MYO9A: variants seen among roughly 807,000 people sequenced by gnomAD.
The protein encoded by MYO9A is unconventional myosin-IXa.
In MYO9A, 103 loss-of-function variants were observed where a neutral mutation model predicts 293.3. The ratio of observed to expected loss-of-function variants is 0.35; its 90% CI spans 0.30 to 0.41. MYO9A has a LOEUF of 0.41. Among genes scored for constraint, MYO9A ranks in the 10% least tolerant of loss-of-function variants. The pLI, the probability that MYO9A is intolerant of heterozygous loss-of-function variation, is 1.00. For synonymous variants in MYO9A, 1,001 were observed against 1,035.7 expected (o/e 0.97, Z 0.64); for missense variants, 2,685 against 3,033.0 (o/e 0.89, Z 2.69).
intron 15 of MYO9A, among the ~76,000 whole-genome samples, chr15:71,949,426 T>G (rs565464642): frequency 3.3e-5 from 5 of 151,808 alleles, no homozygotes; most frequent in African/African-American, 9.6e-5. Flanking sequence ...TTTTTGTTTT[T>G]TTTTTTTTTA....
intron 1 of MYO9A, among the ~76,000 whole-genome samples, chr15:72,062,719 G>A (rs962575966): frequency 6.6e-6 from 1 of 152,110 alleles, no homozygotes; most frequent in Non-Finnish European, 1.5e-5. Flanking sequence ...CCTCAAAAGG[G>A]CAAATCTAAG....
chr15:72,003,418 C>T (rs193272870), intron 8 of MYO9A, among the ~76,000 whole-genome samples: 206 of 151,536 alleles, frequency 1.4e-3, no homozygotes, highest in African/African-American at 4.9e-3. Context: ...AAAAGCAGGC[C>T]GGGCGCGGTG....
chr15:72,077,660 G>A (rs1248747066), intron 1 of MYO9A, among the ~76,000 whole-genome samples: 1 of 149,804 alleles, frequency 6.7e-6, no homozygotes, highest in South Asian at 2.1e-4. Context: ...GGCGGCGCGG[G>A]CAGAGGTTGC....
chr15:72,082,363 C>T (rs2079573725), intron 1 of MYO9A, among the ~76,000 whole-genome samples: 1 of 152,060 alleles, frequency 6.6e-6, no homozygotes, highest in South Asian at 2.1e-4. Flanking sequence ...CTAGTGATTT[C>T]TGTATGTTGG....
At chr15:71,858,819 C>T (rs1330956379) in intron 34 of MYO9A, 2 of 150,168 alleles carry the variant, frequency 1.3e-5, no homozygotes, top group East Asian at 3.9e-4. Context: ...CAAACCTGCA[C>T]GTTGTGCACA....
intron 1 of MYO9A, among the ~76,000 whole-genome samples, chr15:72,073,031 T>C (rs946395514): frequency 7.2e-5 from 11 of 152,214 alleles, no homozygotes; most frequent in African/African-American, 2.7e-4. Context: ...TCCCTATAAG[T>C]AGACATATTT....
At chr15:71,924,466 T>C (rs1360369178) in intron 18 of MYO9A, among the ~76,000 whole-genome samples, 2 of 151,988 alleles carry the variant, frequency 1.3e-5, no homozygotes, top group Non-Finnish European at 2.9e-5. Context: ...AGGGTCTCAA[T>C]CTCCTGATCT....
At chr15:72,025,613 G>C (rs144924581) in intron 4 of MYO9A, among the ~76,000 whole-genome samples, 41 of 152,240 alleles carry the variant, frequency 2.7e-4, no homozygotes, top group African/African-American at 9.9e-4. Flanking sequence ...GTCTCCCAAA[G>C]TGCTGGGATT....
intron 14 of MYO9A, among the ~76,000 whole-genome samples, chr15:71,956,328 A>ATTATATATATATATATATAT (rs1555490908): frequency 6.6e-5 from 1 of 15,174 alleles, no homozygotes; most frequent in African/African-American, 1.7e-4. Context: ...AAAAAAAAAA[A>ATTATATATATATATATATAT]AAATATATAT....
chr15:72,062,494 A>C (rs913854687), intron 1 of MYO9A, among the ~76,000 whole-genome samples: 1 of 152,202 alleles, frequency 6.6e-6, no homozygotes, highest in African/African-American at 2.4e-5. Context: ...AAACTTAACA[A>C]AGACTAAAAT....
chr15:72,085,393 C>CAAA (rs766156056), intron 1 of MYO9A, among the ~76,000 whole-genome samples: 1 of 95,174 alleles, frequency 1.1e-5, no homozygotes, highest in Non-Finnish European at 2.2e-5. Context: ...GAGTCTGTCT[C>CAAA]AAAAAAAAAA....
chr15:72,093,017 T>C (rs1335490549), intron 1 of MYO9A, among the ~76,000 whole-genome samples: 3 of 151,780 alleles, frequency 2.0e-5, no homozygotes, highest in Admixed American at 2.0e-4. Context: ...AGAAAATACA[T>C]GTGCAAAACC....
At chr15:72,103,286 C>CAG (rs2080431415) in intron 1 of MYO9A, among the ~76,000 whole-genome samples, 1 of 137,404 alleles carries the variant, frequency 7.3e-6, no homozygotes, top group Non-Finnish European at 1.6e-5. Flanking sequence ...GAAGCAGCAG[C>CAG]AAGCAGCAGC....
Position 71,854,405 on chromosome 15 carries a change from GATTTT to G in MYO9A, c.6313_6317del (p.Lys2105GlnfsTer12). ...TATCTAGACCCTGCCGAAGCTCCTT[GATTTT>G]ATTAGTCGAACCAGACTTTCGATAA... On this transcript the variant is annotated frameshift_variant, in exon 35 of 42. Coordinates refer to ENST00000356056, the MANE Select transcript of MYO9A (RefSeq NM_006901.4). LOFTEE classifies it high-confidence loss of function. 6.3e-7 allele frequency: 1 copy of G among 1,598,716 alleles called. No homozygotes were observed. Among genetic ancestry groups the G allele is most frequent in the Non-Finnish European group, 8.5e-7 (1 of 1,173,840 alleles).
chr15:72,057,679 C>T (rs932921185), intron 1 of MYO9A, among the ~76,000 whole-genome samples: 5 of 152,184 alleles, frequency 3.3e-5, no homozygotes, highest in African/African-American at 4.8e-5. Flanking sequence ...ACACCAGGGC[C>T]GCTAAGCTAG....
intron 19 of MYO9A, among the ~76,000 whole-genome samples, chr15:71,916,119 T>A (rs1053371473): frequency 1.3e-5 from 2 of 152,162 alleles, no homozygotes; most frequent in Non-Finnish European, 2.9e-5. Context: ...ATCAATTTTC[T>A]GCTTTCTCCT....
chr15:71,984,279 C>G (rs1289899439), intron 11 of MYO9A, among the ~76,000 whole-genome samples: 4 of 152,198 alleles, frequency 2.6e-5, no homozygotes, highest in African/African-American at 9.7e-5. Context: ...AGTTTAGATG[C>G]ATTAAATGCA....
intron 2 of MYO9A, among the ~76,000 whole-genome samples, chr15:72,035,285 T>G (rs1212486215): frequency 1.3e-5 from 2 of 152,216 alleles, no homozygotes; most frequent in Non-Finnish European, 2.9e-5. Context: ...TATTTACTAC[T>G]GAGAAATACA....
chr15:72,069,542 T>C (rs1225791398), intron 1 of MYO9A, among the ~76,000 whole-genome samples: 1 of 152,158 alleles, frequency 6.6e-6, no homozygotes, highest in Non-Finnish European at 1.5e-5. Context: ...ACAGAATCAA[T>C]ACAAGATCTC....
Sources: allele counts gnomAD v4.1 joint callset (sites outside exome capture counted in the v4.1 genomes callset), GRCh38; gene constraint gnomAD v4.1.1; transcripts MANE v1.5; gene names NCBI Gene and HGNC (gene_info 2026-07-23, HGNC 2026-07-21).